FAM98B: variants seen among roughly 807,000 people sequenced by gnomAD.
FAM98B encodes the protein tRNA splicing ligase complex subunit 3B, also known as tRNA-splicing ligase complex subunit FAM98B.
FAM98B carries 32 observed loss-of-function variants against 43.9 expected under a neutral mutation model. The ratio of observed to expected loss-of-function variants is 0.73; its 90% confidence interval spans 0.55 to 0.98. The LOEUF (loss-of-function observed/expected upper bound fraction) is 0.98, where lower values mean the gene tolerates loss of function less well. Among genes scored for constraint, FAM98B ranks in the 50% least tolerant of loss-of-function variants. The pLI, the probability that FAM98B is intolerant of heterozygous loss-of-function variation, is 0.00. For missense variants in FAM98B, 514 were observed against 522.9 expected, an observed-to-expected ratio of 0.98 and a Z score of 0.17; for synonymous variants, 190 against 174.0, an observed-to-expected ratio of 1.09 and a Z score of -0.72.
At chr15:38,465,553 T>C in intron 3 of FAM98B, 150 bp downstream of exon 3, 3 of 699,680 alleles carry the variant, frequency 4.3e-6, no homozygotes, top group South Asian at 3.3e-5. Context: ...GAAATGTTTA[T>C]ATAATATAGT....
At chr15:38,464,296 T>C in intron 2 of FAM98B, 119 bp downstream of exon 2, 1 of 971,782 alleles carries the variant, frequency 1.0e-6, no homozygotes, top group Non-Finnish European at 1.4e-6. Flanking sequence ...CCAAAGAATT[T>C]CAGTATGTGG....
chr15:38,456,862 G>GT (rs1367782694), intron 1 of FAM98B, among the ~76,000 whole-genome samples: 1 of 152,222 alleles, frequency 6.6e-6, no homozygotes, highest in Non-Finnish European at 1.5e-5. Context: ...AAGGCAGAGT[G>GT]TGAGGGGCAG....
chr15:38,464,144 T>C lies in FAM98B; in HGVS notation c.184T>C (p.Leu62=). The C allele has an allele frequency of 6.2e-7, 1 of 1,613,224 alleles. No individual in the cohort carries two copies. The highest frequency in any genetic ancestry group is 8.5e-7 in the Non-Finnish European group (1 of 1,179,580). The change falls in exon 2 of 8, where the codon TTA becomes CTA. Residue 62 remains leucine, a synonymous_variant. Coordinates refer to ENST00000397609, the MANE Select transcript of FAM98B (RefSeq NM_173611.4). ...TTGGTTAGGCTCTCAAATAAAATCA[T>C]TATGCAACTTGGAAGAAAGTATCAC... ...CIWLGSQIKS[L]CNLEESITSA...
intron 4 of FAM98B, among the ~76,000 whole-genome samples, chr15:38,472,490 T>C (rs1452553762): frequency 1.3e-5 from 2 of 152,056 alleles, no homozygotes; most frequent in South Asian, 2.1e-4. Context: ...CTAATTTTTT[T>C]AAAACACCAT....
chr15:38,454,541 C>G (rs1191037953), intron 1 of FAM98B, among the ~76,000 whole-genome samples: 1 of 152,206 alleles, frequency 6.6e-6, no homozygotes, highest in African/African-American at 2.4e-5. Context: ...TGGGCTAGCT[C>G]GCGCCCGCAG....
chr15:38,465,093 C>G (rs905318140), intron 2 of FAM98B, among the ~76,000 whole-genome samples, 176 bp from the exon 3 acceptor site: 1 of 152,072 alleles, frequency 6.6e-6, no homozygotes, highest in Non-Finnish European at 1.5e-5. Context: ...ATAATTATAG[C>G]CATAATAATG....
At chr15:38,464,305 G>C in intron 2 of FAM98B, 128 bp downstream of exon 2, 1 of 847,016 alleles carries the variant, frequency 1.2e-6, no homozygotes, top group Non-Finnish European at 1.6e-6. Context: ...TTCAGTATGT[G>C]GTAGTAAACA....
chr15:38,465,467 A>G, intron 3 of FAM98B, 64 bp downstream of exon 3: 1 of 1,423,530 alleles, frequency 7.0e-7, no homozygotes, highest in Non-Finnish European at 9.5e-7. Context: ...TCAAGTCAAG[A>G]TTTATTAATG....
At chr15:38,465,500 T>A in intron 3 of FAM98B, 97 bp downstream of exon 3, 1 of 1,152,358 alleles carries the variant, frequency 8.7e-7, no homozygotes, top group Non-Finnish European at 1.2e-6. Context: ...TTTTGTATAT[T>A]AAAAGGGTTT....
At chr15:38,476,732 G>T (rs1193216119) in intron 6 of FAM98B, among the ~76,000 whole-genome samples, 2 of 135,246 alleles carry the variant, frequency 1.5e-5, no homozygotes, top group South Asian at 2.4e-4. Flanking sequence ...TCAATTATCT[G>T]TTTCCTCTAG....
At chr15:38,478,893 ACT>A (rs1421490558) in intron 6 of FAM98B, among the ~76,000 whole-genome samples, 1 of 151,996 alleles carries the variant, frequency 6.6e-6, no homozygotes, top group Non-Finnish European at 1.5e-5. Flanking sequence ...ATCTCTAAAA[ACT>A]CTATTTTAGT....
intron 3 of FAM98B, among the ~76,000 whole-genome samples, chr15:38,468,076 A>G (rs955206043): frequency 6.6e-6 from 1 of 152,196 alleles, no homozygotes; most frequent in Non-Finnish European, 1.5e-5. Flanking sequence ...TTTTCCCTCT[A>G]CTGCTTACTA....
intron 4 of FAM98B, 108 bp downstream of exon 4, chr15:38,470,513 C>A: frequency 9.7e-7 from 1 of 1,031,030 alleles, no homozygotes; most frequent in Non-Finnish European, 1.3e-6. Context: ...CATTTTATTT[C>A]AAGAGTTTAT....
intron 5 of FAM98B, 94 bp from the exon 6 acceptor site, chr15:38,474,088 C>G: frequency 1.2e-6 from 1 of 808,760 alleles, no homozygotes; most frequent in Admixed American, 2.2e-5. Flanking sequence ...CATCTTTTGA[C>G]TCAGTAGGAA....
At position 38,454,332 on chromosome 15, in the gene FAM98B, A is replaced by C. The variant is rs1459724433; in HGVS notation, c.71+100A>C. 7.3e-6 allele frequency: 9 copies of C among 1,238,222 alleles called. No homozygotes were observed. In the African/African-American group the frequency reaches 7.5e-5, roughly 10 times the overall value. The allele number at this position is 1,238,222 out of a possible 1,614,324, so 76.7% of individuals were successfully genotyped here. ...TGGGCCTCTGTGGGCCTGGGCGGCC[A>C]TGTGTAGGCCTCCTTCCCTGCCTCG... On this transcript the variant is annotated intron_variant, in intron 1 of 7. Coordinates refer to ENST00000397609, the MANE Select transcript of FAM98B (RefSeq NM_173611.4).
intron 6 of FAM98B, among the ~76,000 whole-genome samples, chr15:38,477,716 T>C (rs1375631100): frequency 1.3e-5 from 2 of 152,234 alleles, no homozygotes; most frequent in African/African-American, 4.8e-5. Context: ...AGAAGATTTG[T>C]GTGTGTAATA....
rs756336315 is a variant in FAM98B, at chr15:38,454,136, G to A, written c.-26G>A. The A allele has an allele frequency of 3.8e-6, 6 of 1,581,136 alleles. No individual in the cohort carries two copies. In the South Asian group the frequency reaches 7.0e-5, roughly 18 times the overall value. ...TAGTTTCCGGCGGGCTACTTAGAGC[G>A]CCGAACAGCTCTGGGCCAAAGGACC... On this transcript the variant is annotated 5_prime_UTR_variant, in exon 1 of 8. Coordinates refer to ENST00000397609, the MANE Select transcript of FAM98B (RefSeq NM_173611.4).
At chr15:38,462,019 T>G (rs985854027) in intron 1 of FAM98B, among the ~76,000 whole-genome samples, 1 of 152,152 alleles carries the variant, frequency 6.6e-6, no homozygotes, top group African/African-American at 2.4e-5. Flanking sequence ...CAAGTGTCCT[T>G]TAGTAGATGC....
intron 6 of FAM98B, among the ~76,000 whole-genome samples, chr15:38,477,607 T>G (rs1227602632): frequency 3.9e-5 from 6 of 152,182 alleles, no homozygotes; most frequent in Non-Finnish European, 8.8e-5. Context: ...AGACCATCAT[T>G]CATGCATTTT....
Sources: allele counts gnomAD v4.1 joint callset (sites outside exome capture counted in the v4.1 genomes callset), GRCh38; gene constraint gnomAD v4.1.1; transcripts MANE v1.5; gene names NCBI Gene and HGNC (gene_info 2026-07-23, HGNC 2026-07-21).